The following CSMD1 variants were observed in gnomAD, a reference collection of about 807,000 sequenced individuals.
CSMD1 encodes the protein CUB and sushi domain-containing protein 1.
A neutral mutation model predicts 417.5 loss-of-function variants in CSMD1; 213 were observed. The observed-to-expected ratio is 0.51, with a 90% CI of 0.46 to 0.57. The LOEUF (loss-of-function observed/expected upper bound fraction) is 0.57, where lower values mean the gene tolerates loss of function less well. Among genes scored for constraint, CSMD1 ranks in the 20% least tolerant of loss-of-function variants. CSMD1 has a pLI of 0.00. For missense variants in CSMD1, 6,923 were observed against 4,529.7 expected (o/e 1.53, Z -15.17); for synonymous variants, 2,862 against 1,736.8 (o/e 1.65, Z -16.11).
At chr8:4,485,770 G>T (rs1019299529) in intron 2 of CSMD1, among the ~76,000 whole-genome samples, 1 of 152,144 alleles carries the variant, frequency 6.6e-6, no homozygotes, top group Non-Finnish European at 1.5e-5. Context: ...TCCAAAGTTG[G>T]TGACATACTG....
intron 41 of CSMD1, among the ~76,000 whole-genome samples, chr8:3,131,186 C>T (rs7823644): frequency 0.049 from 7,467 of 152,142 alleles, 534 homozygotes; most frequent in African/African-American, 0.16. Flanking sequence ...TGTGGCTTAA[C>T]ATTATGTATG....
rs941516276 is a variant in CSMD1, at chr8:3,900,050, C to T, written c.818+97853G>A. On this transcript the variant is annotated intron_variant, in intron 5 of 69. Coordinates refer to ENST00000635120, the MANE Select transcript of CSMD1 (RefSeq NM_033225.6). The stretch of plus-strand genomic sequence containing the variant: ...TAGGTGACACTGCAGCTGGCCGATG[C>T]TGTAGCTGGGTAACACTAGCTGGGT... Among the ~76,000 whole-genome samples the T allele has an allele frequency of 2.9e-4, 44 of 152,036 alleles. 1 individual carries two copies. Among genetic ancestry groups the T allele is most frequent in the African/African-American group, 1.0e-3 (43 of 41,396 alleles).
chr8:3,319,191 A>G (rs1037983539), intron 23 of CSMD1, among the ~76,000 whole-genome samples: 1 of 152,202 alleles, frequency 6.6e-6, no homozygotes, highest in African/African-American at 2.4e-5. Context: ...AAAAAAATGA[A>G]ACTCACATAT....
intron 2 of CSMD1, among the ~76,000 whole-genome samples, chr8:4,433,284 T>TG (rs903105140): frequency 7.9e-5 from 12 of 152,282 alleles, no homozygotes; most frequent in Middle Eastern, 3.4e-3. Flanking sequence ...TCCCACACCC[T>TG]GGTCCGTAGA....
chr8:4,145,902 T>C (rs1487301925), intron 3 of CSMD1, among the ~76,000 whole-genome samples: 1 of 151,066 alleles, frequency 6.6e-6, no homozygotes, highest in Non-Finnish European at 1.5e-5. Context: ...TCAATGCTCA[T>C]CCCTTGGCAC....
At chr8:4,721,655 C>CA (rs1339332586) in intron 1 of CSMD1, among the ~76,000 whole-genome samples, 1 of 152,130 alleles carries the variant, frequency 6.6e-6, no homozygotes, top group African/African-American at 2.4e-5. Context: ...GGAGGTTCCT[C>CA]AAAAAATTAA....
At chr8:3,060,996 A>C (rs1353565776) in intron 49 of CSMD1, among the ~76,000 whole-genome samples, 1 of 152,218 alleles carries the variant, frequency 6.6e-6, no homozygotes, top group Non-Finnish European at 1.5e-5. Flanking sequence ...ACCATGATCA[A>C]ATATGCACAT....
At chr8:3,281,359 C>G (rs71521818) in intron 26 of CSMD1, among the ~76,000 whole-genome samples, 24,616 of 151,852 alleles carry the variant, frequency 0.16, 2,277 homozygotes, top group East Asian at 0.28. Context: ...CAGGAGAATT[C>G]CTGGAACCCA....
At chr8:3,824,063 T>TCA (rs1244600316) in intron 5 of CSMD1, among the ~76,000 whole-genome samples, 1 of 152,152 alleles carries the variant, frequency 6.6e-6, no homozygotes, top group Non-Finnish European at 1.5e-5. Flanking sequence ...TTCTTCATCC[T>TCA]GGTGATTTGT....
chr8:4,928,228 C>T (rs562851834), intron 1 of CSMD1, among the ~76,000 whole-genome samples: 1 of 152,318 alleles, frequency 6.6e-6, no homozygotes, highest in East Asian at 1.9e-4. Flanking sequence ...GTCTTGCTCT[C>T]TTGCTTCCAC....
intron 4 of CSMD1, among the ~76,000 whole-genome samples, chr8:4,018,347 C>T (rs139464204): frequency 3.5e-4 from 53 of 152,240 alleles, no homozygotes; most frequent in Non-Finnish European, 5.6e-4. Context: ...CATTTTCATC[C>T]ACAAATAATG....
chr8:3,433,327 C>G (rs12542120), intron 12 of CSMD1, among the ~76,000 whole-genome samples: 1 of 152,048 alleles, frequency 6.6e-6, no homozygotes, highest in Non-Finnish European at 1.5e-5. Context: ...GGGACTTCCA[C>G]TGCCTGACTG....
At chr8:3,879,856 G>C (rs1806091684) in intron 5 of CSMD1, among the ~76,000 whole-genome samples, 1 of 149,484 alleles carries the variant, frequency 6.7e-6, no homozygotes, top group Non-Finnish European at 1.5e-5. Context: ...TGTGTGTGTT[G>C]CGTTTTAGTC....
chr8:3,026,320 C>G (rs13280302), intron 51 of CSMD1, among the ~76,000 whole-genome samples: 2 of 152,336 alleles, frequency 1.3e-5, no homozygotes, highest in East Asian at 3.9e-4. Context: ...GGAAGCTGAT[C>G]TGAACCTCAC....
In CSMD1 at chr8:4,421,480, G is replaced by A. The variant is rs919511384; in HGVS notation, c.303-1415C>T. ...TATAAAATAACTGAAATCATATAGC[G>A]TGTGTTCTCTGACCACACAGTGGAA... On this transcript the variant is annotated intron_variant, in intron 2 of 69. Coordinates refer to ENST00000635120, the MANE Select transcript of CSMD1 (RefSeq NM_033225.6). Among the ~76,000 whole-genome samples the A allele has an allele frequency of 3.9e-5, 6 of 152,128 alleles. 1 individual carries two copies. In the South Asian group the frequency reaches 6.2e-4, roughly 16 times the overall value.
At chr8:4,226,734 A>G (rs551614416) in intron 3 of CSMD1, among the ~76,000 whole-genome samples, 1 of 152,220 alleles carries the variant, frequency 6.6e-6, no homozygotes, top group Admixed American at 6.5e-5. Flanking sequence ...GTTTTTAATA[A>G]TCAGTTAACC....
At chr8:3,674,442 T>G (rs956380559) in intron 7 of CSMD1, among the ~76,000 whole-genome samples, 1 of 152,124 alleles carries the variant, frequency 6.6e-6, no homozygotes, top group African/African-American at 2.4e-5. Context: ...AATACCACCA[T>G]GGCTATTATC....
intron 3 of CSMD1, among the ~76,000 whole-genome samples, chr8:4,059,145 G>C (rs1006427528): frequency 1.2e-3 from 182 of 152,152 alleles, no homozygotes; most frequent in Non-Finnish European, 2.0e-3. Flanking sequence ...AACTCACTCA[G>C]AACCGCTTAA....
At chr8:4,907,675 C>T (rs1219072567) in intron 1 of CSMD1, among the ~76,000 whole-genome samples, 1 of 151,918 alleles carries the variant, frequency 6.6e-6, no homozygotes, top group Non-Finnish European at 1.5e-5. Context: ...TCCTCCTAGT[C>T]AACTACTAGA....
Sources: gnomAD v4.1 joint callset for allele counts (sites outside exome capture counted in the v4.1 genomes callset) on GRCh38, gnomAD v4.1.1 for gene constraint, MANE v1.5 for transcripts, NCBI Gene and HGNC (gene_info 2026-07-23, HGNC 2026-07-21) for gene names.